The following NTNG2 variants were observed in gnomAD, a reference collection of about 807,000 sequenced individuals.
The protein encoded by NTNG2 is netrin G2, also known as netrin-G2.
In NTNG2, 15 loss-of-function variants were observed where a neutral mutation model predicts 47.6. The observed-to-expected ratio is 0.32, with a 90% confidence interval of 0.21 to 0.49. The LOEUF (loss-of-function observed/expected upper bound fraction) is 0.49, where lower values mean the gene tolerates loss of function less well. Among genes scored for constraint, NTNG2 ranks in the 20% least tolerant of loss-of-function variants. The pLI, the probability that NTNG2 is intolerant of heterozygous loss-of-function variation, is 0.99. For missense variants in NTNG2, 578 were observed against 764.6 expected, an observed-to-expected ratio of 0.76 and a Z score of 2.88; for synonymous variants, 307 against 324.6, an observed-to-expected ratio of 0.95 and a Z score of 0.58.
intron 3 of NTNG2, among the ~76,000 whole-genome samples, chr9:132,209,966 C>T (rs894640800): frequency 2.0e-4 from 31 of 151,754 alleles, no homozygotes; most frequent in African/African-American, 6.3e-4. Context: ...TCGGGGTGGG[C>T]GGAGAGCTGA....
At chr9:132,205,255 A>G (rs145232247) in intron 3 of NTNG2, among the ~76,000 whole-genome samples, 1 of 152,248 alleles carries the variant, frequency 6.6e-6, no homozygotes, top group Non-Finnish European at 1.5e-5. Flanking sequence ...ACCCATCCAT[A>G]TAATGGAATA....
chr9:132,196,157 T>C (rs1409111860), intron 2 of NTNG2, among the ~76,000 whole-genome samples: 1 of 152,178 alleles, frequency 6.6e-6, no homozygotes, highest in East Asian at 1.9e-4. Flanking sequence ...TACAGGTCTA[T>C]GGGTTTTTTT....
rs145232247 is a variant in NTNG2, at chr9:132,205,255, A to T, written c.857+6646A>T. ...AAGACATAAAATGTGACCCATCCAT[A>T]TAATGGAATATGATTCAGCCTTAAA... On this transcript the variant is annotated intron_variant, in intron 3 of 7. Transcript: ENST00000393229. Among the ~76,000 whole-genome samples the T allele has an allele frequency of 1.1e-4, 17 of 152,366 alleles. No homozygotes were observed. The East Asian group carries it at 3.3e-3, about 29-fold the overall frequency.
intron 3 of NTNG2, among the ~76,000 whole-genome samples, chr9:132,210,260 G>T (rs1486605283): frequency 6.6e-6 from 1 of 152,100 alleles, no homozygotes; most frequent in South Asian, 2.1e-4. Context: ...TGTAAAATGG[G>T]ATCCCGCTCT....
At chr9:132,241,428 G>T (rs1041952595) in intron 7 of NTNG2, 1 of 345,270 alleles carries the variant, frequency 2.9e-6, no homozygotes, top group Non-Finnish European at 5.3e-6. Flanking sequence ...AGCTCGGGGC[G>T]GGGCCTGATG....
chr9:132,177,564 C>T (rs575013493), intron 2 of NTNG2, among the ~76,000 whole-genome samples: 1 of 152,316 alleles, frequency 6.6e-6, no homozygotes, highest in East Asian at 1.9e-4. Flanking sequence ...CTATTCTTCC[C>T]CCACTAAATG....
rs540252101 is a variant in NTNG2, at chr9:132,178,534, C to T, written c.213+11490C>T. Among the ~76,000 whole-genome samples, 30 of 152,120 alleles carry T rather than the reference C, an allele frequency of 2.0e-4. No individual in the cohort carries two copies. The South Asian group carries it at 6.2e-3, about 32-fold the overall frequency. On this transcript the variant is annotated intron_variant, in intron 2 of 7. Transcript: ENST00000393229. ...CATGTTACAGTGAAATTGACTGCGCCCAGGAAAGGGGACCCCAGAAGCAGG... is the reference window on the plus strand; with the variant it reads ...CATGTTACAGTGAAATTGACTGCGCTCAGGAAAGGGGACCCCAGAAGCAGG...
At chr9:132,181,524 T>A (rs1435912403) in intron 2 of NTNG2, among the ~76,000 whole-genome samples, 1 of 152,088 alleles carries the variant, frequency 6.6e-6, no homozygotes, top group East Asian at 1.9e-4. Context: ...TTTCACCATG[T>A]TGGCCAGGCT....
chr9:132,236,950 A>G lies in NTNG2; in HGVS notation c.1055-2154A>G, dbSNP rs912971874. Reference sequence around the variant, plus strand: ...AAGGAAGGGAGATGCCAAAGTCCTTAAATGCCAAGTTTAGTCTCTGGGTTT... The same window carrying G: ...AAGGAAGGGAGATGCCAAAGTCCTTGAATGCCAAGTTTAGTCTCTGGGTTT... On this transcript the variant is annotated intron_variant, in intron 5 of 7. Transcript: ENST00000393229. The surrounding 1 kb of genome is among the most constrained non-coding windows in gnomAD (Gnocchi z 4.3). Among the ~76,000 whole-genome samples the G allele has an allele frequency of 6.6e-6, 1 of 152,352 alleles. No homozygotes were observed. Among genetic ancestry groups the G allele is most frequent in the African/African-American group, 2.4e-5 (1 of 41,578 alleles).
At chr9:132,235,422 C>T (rs923044378) in intron 5 of NTNG2, among the ~76,000 whole-genome samples, 2 of 152,168 alleles carry the variant, frequency 1.3e-5, no homozygotes, top group African/African-American at 4.8e-5. Flanking sequence ...TCTCATCTAT[C>T]GGGCTTTAAG....
At position 132,197,140 on chromosome 9, in the gene NTNG2, A is replaced by G. The variant is rs1838371102; in HGVS notation, c.214-826A>G. ...CGCAGTGGCTCACGTCTGCAATCCC[A>G]GCACTTTGGGAGGGCAAGCCAGGTG... On this transcript the variant is annotated intron_variant, in intron 2 of 7. Transcript: ENST00000393229. The surrounding 1 kb of genome is among the most constrained non-coding windows in gnomAD (Gnocchi z 4.3). Among the ~76,000 whole-genome samples, 1 of 152,210 alleles carries G rather than the reference A, an allele frequency of 6.6e-6. No homozygotes were observed. The highest frequency in any genetic ancestry group is 1.5e-5 in the Non-Finnish European group (1 of 68,036).
chr9:132,235,961 A>T (rs536888058), intron 5 of NTNG2, among the ~76,000 whole-genome samples: 79 of 152,250 alleles, frequency 5.2e-4, no homozygotes, highest in African/African-American at 1.8e-3. Flanking sequence ...CCCCAAGCTC[A>T]CCTGCTTCAA....
chr9:132,183,958 T>C (rs1837140976), intron 2 of NTNG2, among the ~76,000 whole-genome samples: 1 of 152,172 alleles, frequency 6.6e-6, no homozygotes, highest in Non-Finnish European at 1.5e-5. Context: ...CCAGGTATTG[T>C]CATGTTTTCA....
chr9:132,232,643 G>A (rs1841322989), intron 5 of NTNG2: 3 of 152,140 alleles, frequency 2.0e-5, no homozygotes, highest in Admixed American at 2.0e-4. Context: ...GATGACCAAG[G>A]GGAATTCTTC....
intron 2 of NTNG2, among the ~76,000 whole-genome samples, chr9:132,172,722 ATTTTTTTTTTTT>A (rs35406789): frequency 1.2e-5 from 1 of 83,500 alleles, no homozygotes; most frequent in East Asian, 3.6e-4. Context: ...TCAGGGCTGT[ATTTTTTTTTTTT>A]TTTTTTTTTT....
chr9:132,207,145 C>A (rs1379629437), intron 3 of NTNG2, among the ~76,000 whole-genome samples: 2 of 152,246 alleles, frequency 1.3e-5, no homozygotes, highest in East Asian at 1.9e-4. Context: ...ATTTCCTCTG[C>A]GAGCTTTCTC....
At chr9:132,237,452 T>G (rs1242968013) in intron 5 of NTNG2, among the ~76,000 whole-genome samples, 1 of 152,206 alleles carries the variant, frequency 6.6e-6, no homozygotes, top group Non-Finnish European at 1.5e-5. Context: ...CCCCTGCCCC[T>G]GCCAAGGGCT....
chr9:132,189,846 A>C (rs1837730746), intron 2 of NTNG2, among the ~76,000 whole-genome samples: 1 of 150,750 alleles, frequency 6.6e-6, no homozygotes, highest in African/African-American at 2.4e-5. Context: ...ACAGGGTTTC[A>C]CCATGTTGGC....
At chr9:132,207,034 T>C (rs575656625) in intron 3 of NTNG2, among the ~76,000 whole-genome samples, 11 of 152,298 alleles carry the variant, frequency 7.2e-5, no homozygotes, top group African/African-American at 2.6e-4. Flanking sequence ...ACAGGAGGCT[T>C]GGGGAGCCCT....
Sources: allele counts gnomAD v4.1 joint callset (sites outside exome capture counted in the v4.1 genomes callset), GRCh38; gene constraint gnomAD v4.1.1; non-coding constraint Gnocchi (gnomAD v3.1); transcripts MANE v1.5; gene names NCBI Gene and HGNC (gene_info 2026-07-23, HGNC 2026-07-21).